Variants in CCDC60 observed in about 807,000 individuals in gnomAD.
The protein encoded by CCDC60 is coiled-coil domain containing 60, also known as coiled-coil domain-containing protein 60.
Under a neutral mutation model 63.5 loss-of-function variants are expected in CCDC60, and 54 were observed. The observed-to-expected ratio is 0.85, with a 90% confidence interval of 0.68 to 1.07. The LOEUF (loss-of-function observed/expected upper bound fraction) is 1.07. Among genes scored for constraint, CCDC60 ranks in the 50% least tolerant of loss-of-function variants. The probability of loss-of-function intolerance (pLI) is 0.00; values close to 1 mark genes in which losing one functional copy is unlikely to be tolerated. For missense variants in CCDC60, 651 were observed against 684.3 expected (o/e 0.95, Z 0.54); for synonymous variants, 206 against 238.8 (o/e 0.86, Z 1.27).
chr12:119,396,041 G>A (rs556913521), intron 1 of CCDC60, among the ~76,000 whole-genome samples: 2 of 152,072 alleles, frequency 1.3e-5, no homozygotes, highest in South Asian at 2.1e-4. Flanking sequence ...GGGTTCAAGC[G>A]ATTCCTCTCC....
At chr12:119,359,899 A>G (rs1343583285) in intron 1 of CCDC60, among the ~76,000 whole-genome samples, 2 of 151,820 alleles carry the variant, frequency 1.3e-5, no homozygotes, top group Non-Finnish European at 2.9e-5. Flanking sequence ...TTCTCTTAGT[A>G]CAGAACAAAA....
At chr12:119,493,925 T>G (rs1278096798) in intron 5 of CCDC60, among the ~76,000 whole-genome samples, 2 of 152,146 alleles carry the variant, frequency 1.3e-5, no homozygotes, top group East Asian at 3.9e-4. Flanking sequence ...GAGGGGCCTG[T>G]CATCAAACAC....
At chr12:119,493,257 C>T (rs983248346) in intron 5 of CCDC60, among the ~76,000 whole-genome samples, 2 of 152,098 alleles carry the variant, frequency 1.3e-5, no homozygotes, top group Admixed American at 6.5e-5. Flanking sequence ...CCAGAGGCTC[C>T]ATTTCAGTTA....
intron 1 of CCDC60, among the ~76,000 whole-genome samples, chr12:119,418,438 G>T (rs1402503170): frequency 3.8e-5 from 3 of 79,974 alleles, no homozygotes; most frequent in Non-Finnish European, 4.9e-5. Flanking sequence ...TTTTTGAGAT[G>T]GGGTCTCACT....
chr12:119,402,059 G>A (rs1345007731), intron 1 of CCDC60, among the ~76,000 whole-genome samples: 1 of 152,184 alleles, frequency 6.6e-6, no homozygotes, highest in East Asian at 1.9e-4. Flanking sequence ...GCAGCCTCAT[G>A]TTCCTTCCTC....
Position 119,506,692 on chromosome 12 carries a change from C to T in CCDC60, c.883+1389C>T, listed in dbSNP as rs192382107. Among the ~76,000 whole-genome samples the T allele has an allele frequency of 3.3e-5, 5 of 151,948 alleles. No individual in the cohort carries two copies. In the East Asian group the frequency reaches 9.7e-4, roughly 29 times the overall value. ...GGAAAATTCATTGAAAGCTATGAGCCCTCACACAAGAAAAAAATTCAAACA... is the reference window on the plus strand; with the variant it reads ...GGAAAATTCATTGAAAGCTATGAGCTCTCACACAAGAAAAAAATTCAAACA... On this transcript the variant is annotated intron_variant, in intron 7 of 13. Coordinates refer to ENST00000327554, the MANE Select transcript of CCDC60 (RefSeq NM_178499.5).
intron 1 of CCDC60, among the ~76,000 whole-genome samples, chr12:119,404,403 G>A (rs1264703265): frequency 6.6e-6 from 1 of 152,132 alleles, no homozygotes; most frequent in East Asian, 1.9e-4. Flanking sequence ...TACATCATAT[G>A]ATATCATAAC....
At chr12:119,433,727 C>CCTGGA in intron 2 of CCDC60, 1 of 621,594 alleles carries the variant, frequency 1.6e-6, no homozygotes, top group Non-Finnish European at 2.9e-6. Context: ...TTTACTGTCT[C>CCTGGA]TTGGATTTTT....
chr12:119,463,459 T>C (rs1056506524), intron 2 of CCDC60, among the ~76,000 whole-genome samples: 2 of 152,260 alleles, frequency 1.3e-5, no homozygotes, highest in African/African-American at 2.4e-5. Flanking sequence ...TTTCCAGCTC[T>C]GTGACCTTGT....
intron 6 of CCDC60, among the ~76,000 whole-genome samples, chr12:119,501,061 T>C (rs1951840110): frequency 6.6e-6 from 1 of 152,134 alleles, no homozygotes; most frequent in African/African-American, 2.4e-5. Flanking sequence ...TTGAGATAGG[T>C]AAAGGTAATA....
intron 5 of CCDC60, among the ~76,000 whole-genome samples, chr12:119,495,672 T>G (rs1239980848): frequency 6.6e-6 from 1 of 152,180 alleles, no homozygotes; most frequent in Non-Finnish European, 1.5e-5. Flanking sequence ...AAATTAGTTT[T>G]CCCTTATCTT....
chr12:119,452,490 A>G (rs1299187177), intron 2 of CCDC60, among the ~76,000 whole-genome samples: 1 of 152,208 alleles, frequency 6.6e-6, no homozygotes, highest in East Asian at 1.9e-4. Context: ...GTACCTTTGC[A>G]TTGATCAAAT....
chr12:119,391,927 A>G (rs184930551), intron 1 of CCDC60, among the ~76,000 whole-genome samples: 1 of 152,150 alleles, frequency 6.6e-6, no homozygotes, highest in Non-Finnish European at 1.5e-5. Flanking sequence ...ACAGCTGTTC[A>G]TTCTATTGCT....
intron 1 of CCDC60, among the ~76,000 whole-genome samples, chr12:119,375,424 C>T (rs1206198579): frequency 6.6e-6 from 1 of 152,214 alleles, no homozygotes; most frequent in Non-Finnish European, 1.5e-5. Context: ...CAATCACCCT[C>T]ACCAGCTAGT....
chr12:119,515,530 T>C (rs969028376), intron 7 of CCDC60, among the ~76,000 whole-genome samples: 6 of 152,128 alleles, frequency 3.9e-5, no homozygotes, highest in African/African-American at 1.4e-4. Context: ...GGTTTCTCCA[T>C]GTTGCCCAGG....
At chr12:119,351,856 C>T (rs1327653367) in intron 1 of CCDC60, among the ~76,000 whole-genome samples, 4 of 152,128 alleles carry the variant, frequency 2.6e-5, no homozygotes, top group Non-Finnish European at 5.9e-5. Context: ...TGTTCTGAGC[C>T]CTCCAAACTG....
chr12:119,346,774 C>CTCTCTT lies in CCDC60; in HGVS notation c.90+11511_90+11512insCTTTCT, dbSNP rs1555230507. On this transcript the variant is annotated intron_variant, in intron 1 of 13. Coordinates refer to ENST00000327554, the MANE Select transcript of CCDC60 (RefSeq NM_178499.5). ...CTGCATGTGGCTTAGACTCATCTTTCTCTTTCTTTCTTTCTTTCTTTCTTT... is the reference window on the plus strand; with the variant it reads ...CTGCATGTGGCTTAGACTCATCTTTCTCTCTTTCTTTCTTTCTTTCTTTCTTTCTTT... Among the ~76,000 whole-genome samples the CTCTCTT allele has an allele frequency of 1.7e-4, 21 of 125,396 alleles. No homozygotes were observed. In the South Asian group the frequency reaches 5.0e-3, roughly 30 times the overall value. 82.3% of individuals were successfully genotyped at this position (125,396 alleles called of 152,430 possible).
At chr12:119,357,663 A>T (rs753645451) in intron 1 of CCDC60, among the ~76,000 whole-genome samples, 1 of 152,160 alleles carries the variant, frequency 6.6e-6, no homozygotes, top group Non-Finnish European at 1.5e-5. Flanking sequence ...TATGTTGGTC[A>T]GGCTGGTCTC....
intron 3 of CCDC60, 123 bp from the exon 4 acceptor site, chr12:119,478,971 A>G: frequency 1.4e-6 from 1 of 707,790 alleles, no homozygotes; most frequent in Non-Finnish European, 2.5e-6. Context: ...TCCAGCAGAA[A>G]TTATTTGCCT....
Sources: allele counts gnomAD v4.1 joint callset (sites outside exome capture counted in the v4.1 genomes callset), GRCh38; gene constraint gnomAD v4.1.1; transcripts MANE v1.5; gene names NCBI Gene and HGNC (gene_info 2026-07-23, HGNC 2026-07-21).